The following WWOX variants were observed in gnomAD, a reference collection of about 807,000 sequenced individuals.
The protein encoded by WWOX is WW domain-containing oxidoreductase.
WWOX carries 69 observed loss-of-function variants against 46.2 expected under a neutral mutation model. The observed-to-expected ratio is 1.49, with a 90% CI of 1.23 to 1.82. The LOEUF is 1.82. Ranked by LOEUF, WWOX falls within the 40% of genes most tolerant of loss-of-function variation. The probability of loss-of-function intolerance (pLI) is 0.00; values close to 1 mark genes in which losing one functional copy is unlikely to be tolerated. For synonymous variants in WWOX, 359 were observed against 202.6 expected (o/e 1.77, Z -6.56); for missense variants, 919 against 542.6 (o/e 1.69, Z -6.89).
chr16:78,690,013 C>T (rs892191851), intron 8 of WWOX, among the ~76,000 whole-genome samples: 10 of 151,866 alleles, frequency 6.6e-5, no homozygotes, highest in African/African-American at 2.4e-4. Context: ...GGTGCCCGCC[C>T]CCATGCCCAG....
At chr16:78,855,370 T>C (rs2052542548) in intron 8 of WWOX, among the ~76,000 whole-genome samples, 1 of 152,132 alleles carries the variant, frequency 6.6e-6, no homozygotes. Context: ...CTGACTAAAA[T>C]TGTATGTTGC....
chr16:78,249,181 A>G (rs2037912542), intron 5 of WWOX, among the ~76,000 whole-genome samples: 1 of 152,086 alleles, frequency 6.6e-6, no homozygotes, highest in South Asian at 2.1e-4. Context: ...ATGACAAGGC[A>G]TGGAATGGTT....
intron 4 of WWOX, among the ~76,000 whole-genome samples, chr16:78,127,400 A>G (rs2033406167): frequency 6.6e-6 from 1 of 151,988 alleles, no homozygotes; most frequent in African/African-American, 2.4e-5. Flanking sequence ...TTGTCCTAAA[A>G]TGACCTGTAT....
At chr16:79,196,903 C>G (rs764332336) in intron 8 of WWOX, among the ~76,000 whole-genome samples, 7 of 152,150 alleles carry the variant, frequency 4.6e-5, no homozygotes, top group Non-Finnish European at 5.9e-5. Context: ...TTCGGGAGTT[C>G]GGTGTCACCC....
Position 78,257,917 on chromosome 16 carries a change from A to G in WWOX, c.516+93628A>G, listed in dbSNP as rs535141661. Among the ~76,000 whole-genome samples the G allele has an allele frequency of 2.8e-4, 31 of 108,948 alleles. No homozygotes were observed. The East Asian group carries it at 0.012, about 41-fold the overall frequency. The allele number at this position is 108,948 out of a possible 152,430, so 71.5% of individuals were successfully genotyped here. On this transcript the variant is annotated intron_variant, in intron 5 of 8. Coordinates refer to ENST00000566780, the MANE Select transcript of WWOX (RefSeq NM_016373.4). ...GAAACAGGAACTGAGTATGTTTCCA[A>G]TATTTTTTTATTTCTCCTAAAAAAA...
chr16:78,456,933 C>G (rs78571797), intron 8 of WWOX, among the ~76,000 whole-genome samples: 5 of 152,340 alleles, frequency 3.3e-5, no homozygotes, highest in African/African-American at 9.6e-5. Flanking sequence ...TGAAGAGTTA[C>G]TTGCATTGTT....
chr16:78,638,467 C>G (rs940101071), intron 8 of WWOX, among the ~76,000 whole-genome samples: 3 of 152,116 alleles, frequency 2.0e-5, no homozygotes, highest in Non-Finnish European at 2.9e-5. Context: ...CTGAAAGGCC[C>G]AGACCCAGCT....
chr16:79,123,546 C>T (rs928979508), intron 8 of WWOX, among the ~76,000 whole-genome samples: 2 of 151,970 alleles, frequency 1.3e-5, no homozygotes, highest in African/African-American at 4.8e-5. Context: ...GATTCTTGTC[C>T]TTATGTAAGG....
rs1249126886 is a variant in WWOX, at chr16:78,559,721, A to G, written c.1056+126969A>G. On this transcript the variant is annotated intron_variant, in intron 8 of 8. Coordinates refer to ENST00000566780, the MANE Select transcript of WWOX (RefSeq NM_016373.4). The stretch of plus-strand genomic sequence containing the variant: ...CCTCAAGGGAAACATTCTTCTCACA[A>G]TAGCTTCCTGGTAGAAAGTTCTAAC... 2.6e-5 allele frequency among the ~76,000 whole-genome samples: 4 copies of G among 152,186 alleles called. No homozygotes were observed. The South Asian group carries it at 6.2e-4, about 24-fold the overall frequency.
At chr16:79,197,730 C>G (rs766165785) in intron 8 of WWOX, among the ~76,000 whole-genome samples, 25 of 152,076 alleles carry the variant, frequency 1.6e-4, no homozygotes, top group Non-Finnish European at 2.8e-4. Flanking sequence ...CCAATGTTTG[C>G]TACGGATTGT....
At chr16:78,715,342 C>T (rs2048536121) in intron 8 of WWOX, among the ~76,000 whole-genome samples, 1 of 152,164 alleles carries the variant, frequency 6.6e-6, no homozygotes, top group South Asian at 2.1e-4. Flanking sequence ...TGTCAAAGTT[C>T]TTCATCCCCA....
chr16:78,687,366 T>C (rs1427356136), intron 8 of WWOX, among the ~76,000 whole-genome samples: 4 of 152,208 alleles, frequency 2.6e-5, no homozygotes, highest in Non-Finnish European at 5.9e-5. Flanking sequence ...GAATCGAAAA[T>C]GCGAAAGTCC....
intron 8 of WWOX, chr16:78,890,312 C>G (rs958736878): frequency 1.5e-5 from 2 of 135,580 alleles, no homozygotes; most frequent in African/African-American, 3.9e-5. Flanking sequence ...GACCTCTTGC[C>G]TCTCCATCAT....
chr16:78,611,264 T>A (rs1284694818), intron 8 of WWOX, among the ~76,000 whole-genome samples: 1 of 152,226 alleles, frequency 6.6e-6, no homozygotes, highest in Non-Finnish European at 1.5e-5. Flanking sequence ...CTCATATGTT[T>A]AGGCAAGCGT....
At chr16:79,150,313 CCTCT>C (rs2050254601) in intron 8 of WWOX, among the ~76,000 whole-genome samples, 1 of 152,306 alleles carries the variant, frequency 6.6e-6, no homozygotes, top group Admixed American at 6.5e-5. Flanking sequence ...AGGGATTTCA[CCTCT>C]CTGACTCATG....
At chr16:78,379,894 T>C (rs1464390421) in intron 5 of WWOX, among the ~76,000 whole-genome samples, 3 of 152,216 alleles carry the variant, frequency 2.0e-5, no homozygotes, top group African/African-American at 2.4e-5. Context: ...AAGCATAATG[T>C]AGGCATGAGA....
At position 78,496,026 on chromosome 16, in the gene WWOX, G is replaced by A. The variant is rs561224992; in HGVS notation, c.1056+63274G>A. On this transcript the variant is annotated intron_variant, in intron 8 of 8. Coordinates refer to ENST00000566780, the MANE Select transcript of WWOX (RefSeq NM_016373.4). ...AAAGGGTGTCTTTTGCTGAACTATG[G>A]AGTTTTAGTTTTGCTTTAGAATTTT... The A allele has an allele frequency of 7.2e-5, 11 of 152,268 alleles. No individual in the cohort carries two copies. The South Asian group carries it at 2.3e-3, about 32-fold the overall frequency. The allele number at this position is 152,268 out of a possible 1,614,324, so 9.4% of individuals were successfully genotyped here. A position where few individuals can be genotyped will look rare whatever the true frequency, so the allele number is the denominator to read the frequency against.
At chr16:78,387,640 G>C (rs2082088754) in intron 6 of WWOX, among the ~76,000 whole-genome samples, 1 of 152,040 alleles carries the variant, frequency 6.6e-6, no homozygotes, top group Non-Finnish European at 1.5e-5. Flanking sequence ...GAAACACTGA[G>C]CTAAGGAAAG....
chr16:79,149,451 C>G (rs2050237612), intron 8 of WWOX, among the ~76,000 whole-genome samples: 1 of 152,068 alleles, frequency 6.6e-6, no homozygotes, highest in African/African-American at 2.4e-5. Context: ...GTGGATAGCT[C>G]ACCAACTTTT....
Sources: allele counts gnomAD v4.1 joint callset (sites outside exome capture counted in the v4.1 genomes callset), GRCh38; gene constraint gnomAD v4.1.1; transcripts MANE v1.5; gene names NCBI Gene and HGNC (gene_info 2026-07-23, HGNC 2026-07-21).